Variants in PIP4K2A observed in about 807,000 individuals in gnomAD.
The protein encoded by PIP4K2A is phosphatidylinositol 5-phosphate 4-kinase type-2 alpha.
A neutral mutation model predicts 42.9 loss-of-function variants in PIP4K2A; 14 were observed. The observed-to-expected ratio is 0.33, with a 90% CI of 0.22 to 0.51. The LOEUF (loss-of-function observed/expected upper bound fraction) is 0.51. Among genes scored for constraint, PIP4K2A ranks in the 20% least tolerant of loss-of-function variants. The pLI, the probability that PIP4K2A is intolerant of heterozygous loss-of-function variation, is 0.97. For synonymous variants in PIP4K2A, 192 were observed against 192.2 expected (o/e 1.00, Z 0.01); for missense variants, 434 against 519.8 (o/e 0.83, Z 1.61).
chr10:22,671,303 A>C (rs1839444291), intron 1 of PIP4K2A, among the ~76,000 whole-genome samples: 2 of 152,204 alleles, frequency 1.3e-5, no homozygotes, highest in South Asian at 4.1e-4. Context: ...AAGAAGTGGG[A>C]AGAAAGACCT....
chr10:22,560,572 G>A (rs1836664855), intron 6 of PIP4K2A, among the ~76,000 whole-genome samples: 2 of 152,232 alleles, frequency 1.3e-5, no homozygotes. Context: ...CACAGTGCCT[G>A]AGAATCGACA....
intron 4 of PIP4K2A, among the ~76,000 whole-genome samples, chr10:22,589,678 T>G (rs960100524): frequency 6.6e-6 from 1 of 152,198 alleles, no homozygotes; most frequent in East Asian, 1.9e-4. Context: ...GAACATAAAG[T>G]AATGCTTTTA....
intron 8 of PIP4K2A, among the ~76,000 whole-genome samples, chr10:22,540,907 T>G (rs1836090354): frequency 6.6e-6 from 1 of 152,174 alleles, no homozygotes; most frequent in Non-Finnish European, 1.5e-5. Flanking sequence ...AAAAGTACAT[T>G]TGACTATCTA....
At chr10:22,697,737 T>A (rs910785939) in intron 1 of PIP4K2A, among the ~76,000 whole-genome samples, 2 of 151,908 alleles carry the variant, frequency 1.3e-5, no homozygotes, top group African/African-American at 2.4e-5. Context: ...GAAAATTTTT[T>A]AAAAAATTAA....
At chr10:22,672,226 G>A (rs1839467837) in intron 1 of PIP4K2A, among the ~76,000 whole-genome samples, 1 of 151,590 alleles carries the variant, frequency 6.6e-6, no homozygotes, top group Admixed American at 6.6e-5. Context: ...ATCAGCATCA[G>A]CATCCTGAAA....
chr10:22,705,451 A>T (rs1833803846), intron 1 of PIP4K2A, among the ~76,000 whole-genome samples: 1 of 138,588 alleles, frequency 7.2e-6, no homozygotes, highest in Non-Finnish European at 1.6e-5. Flanking sequence ...AAAAAAAAAA[A>T]AAAAAAAAAA....
intron 4 of PIP4K2A, among the ~76,000 whole-genome samples, chr10:22,590,151 A>G (rs930444311): frequency 6.6e-6 from 1 of 152,200 alleles, no homozygotes; most frequent in Non-Finnish European, 1.5e-5. Flanking sequence ...GAAGAACCTG[A>G]CCATACTGGC....
At chr10:22,610,678 G>A (rs1281774004) in intron 1 of PIP4K2A, among the ~76,000 whole-genome samples, 1 of 152,212 alleles carries the variant, frequency 6.6e-6, no homozygotes, top group Admixed American at 6.5e-5. Flanking sequence ...CACAGGGAGT[G>A]TGGGGACCAT....
At chr10:22,577,941 C>T (rs796753704) in intron 4 of PIP4K2A, among the ~76,000 whole-genome samples, 11 of 152,296 alleles carry the variant, frequency 7.2e-5, no homozygotes, top group African/African-American at 2.6e-4. Context: ...CCTGATTATG[C>T]CACTCACTAG....
rs141625322 is a variant in PIP4K2A, at chr10:22,636,568, CTTA to C, written c.145-26854_145-26852del. On this transcript the variant is annotated intron_variant, in intron 1 of 9. Transcript: ENST00000376573. ...CATGAGCTGCCATACACAGTCAAAA[CTTA>C]TTATGCACTCACCTCATTCGCTGTA... Among the ~76,000 whole-genome samples, 373 of 152,308 alleles carry C rather than the reference CTTA, an allele frequency of 2.4e-3. 1 individual carries two copies. Among genetic ancestry groups the C allele is most frequent in the African/African-American group, 8.6e-3 (359 of 41,570 alleles).
intron 1 of PIP4K2A, among the ~76,000 whole-genome samples, chr10:22,621,883 T>C (rs1838338274): frequency 1.3e-5 from 2 of 152,326 alleles, no homozygotes; most frequent in African/African-American, 4.8e-5. Flanking sequence ...TTGTTTTTCT[T>C]TCCATGACCA....
intron 7 of PIP4K2A, among the ~76,000 whole-genome samples, chr10:22,548,146 C>T (rs1336600855): frequency 1.3e-5 from 2 of 152,172 alleles, no homozygotes; most frequent in African/African-American, 4.8e-5. Flanking sequence ...AGCTACTTCA[C>T]CATAATTACC....
chr10:22,608,519 T>C (rs1445518773), intron 2 of PIP4K2A, among the ~76,000 whole-genome samples: 2 of 152,170 alleles, frequency 1.3e-5, no homozygotes, highest in Non-Finnish European at 2.9e-5. Flanking sequence ...CTAAACACTG[T>C]TATGAGAAAA....
intron 7 of PIP4K2A, among the ~76,000 whole-genome samples, chr10:22,543,962 C>G (rs1428440940): frequency 6.6e-6 from 1 of 152,170 alleles, no homozygotes; most frequent in Admixed American, 6.5e-5. Flanking sequence ...GACGAGAGTG[C>G]AAGGATTCAG....
At chr10:22,625,555 T>A (rs1297828206) in intron 1 of PIP4K2A, among the ~76,000 whole-genome samples, 1 of 152,306 alleles carries the variant, frequency 6.6e-6, no homozygotes, top group East Asian at 1.9e-4. Flanking sequence ...CACCTATCTT[T>A]ATGCATCTAT....
intron 1 of PIP4K2A, among the ~76,000 whole-genome samples, chr10:22,695,096 A>T (rs950142563): frequency 6.6e-6 from 1 of 152,232 alleles, no homozygotes; most frequent in African/African-American, 2.4e-5. Flanking sequence ...ATCATAAAAT[A>T]TTCACCATTT....
chr10:22,662,330 C>G (rs188766321), intron 1 of PIP4K2A, among the ~76,000 whole-genome samples: 9 of 152,296 alleles, frequency 5.9e-5, no homozygotes, highest in Admixed American at 1.3e-4. Context: ...AAATATAATT[C>G]AAAGAATCAA....
intron 1 of PIP4K2A, among the ~76,000 whole-genome samples, chr10:22,640,757 C>T (rs1352813436): frequency 6.6e-6 from 1 of 152,172 alleles, no homozygotes; most frequent in Non-Finnish European, 1.5e-5. Context: ...TTAAACATGG[C>T]TCAGTTTTGT....
chr10:22,554,189 A>G (rs768708613), intron 6 of PIP4K2A, among the ~76,000 whole-genome samples: 33 of 152,180 alleles, frequency 2.2e-4, no homozygotes, highest in Non-Finnish European at 3.8e-4. Flanking sequence ...TCACCTGACA[A>G]TGATTCACTC....
Sources: allele counts gnomAD v4.1 joint callset (sites outside exome capture counted in the v4.1 genomes callset), GRCh38; gene constraint gnomAD v4.1.1; transcripts MANE v1.5; gene names NCBI Gene and HGNC (gene_info 2026-07-23, HGNC 2026-07-21).